Variants in PRSS23 observed in about 807,000 individuals in gnomAD.
The protein encoded by PRSS23 is protease, serine 23.
A neutral mutation model predicts 34.7 loss-of-function variants in PRSS23; 25 were observed. The ratio of observed to expected loss-of-function variants is 0.72; its 90% CI spans 0.53 to 1.01. PRSS23 has a LOEUF of 1.01. PRSS23 is among the 50% of genes least tolerant of loss of function. The probability of loss-of-function intolerance (pLI) is 0.00; values close to 1 mark genes in which losing one functional copy is unlikely to be tolerated. For synonymous variants in PRSS23, 176 were observed against 186.6 expected (o/e 0.94, Z 0.46); for missense variants, 445 against 475.6 (o/e 0.94, Z 0.60).
chr11:86,823,930 CGG>C (rs201565569), intron 2 of PRSS23, among the ~76,000 whole-genome samples: 3,172 of 131,112 alleles, frequency 0.024, 151 homozygotes, highest in African/African-American at 0.085. Context: ...GGCGTGAACC[CGG>C]GAGGTGGAGC....
At chr11:86,818,766 C>T (rs1257978690) in intron 1 of PRSS23, among the ~76,000 whole-genome samples, 2 of 152,144 alleles carry the variant, frequency 1.3e-5, no homozygotes, top group Admixed American at 1.3e-4. Context: ...ACACCTTCTC[C>T]CATTTGCAGA....
At chr11:86,857,942 G>T in intron 2 of PRSS23, 1 of 429,324 alleles carries the variant, frequency 2.3e-6, no homozygotes, top group Non-Finnish European at 4.6e-6. Context: ...GTGAGGACGG[G>T]CTGTCTCCCA....
At chr11:86,952,498 CA>C (rs776761519) in exon 3 of PRSS23, 12 of 1,603,140 alleles carry the variant, frequency 7.5e-6, no homozygotes, top group East Asian at 2.2e-5. Context: ...TGAACACACA[CA>C]AAAAAAACAA....
At chr11:86,921,564 G>C (rs1949047457) in intron 2 of PRSS23, 1 of 152,140 alleles carries the variant, frequency 6.6e-6, no homozygotes, top group Non-Finnish European at 1.5e-5. Flanking sequence ...ATTGTTTCTT[G>C]ATACAAAGTA....
chr11:86,924,095 A>G (rs1949064447), intron 2 of PRSS23, among the ~76,000 whole-genome samples: 1 of 152,214 alleles, frequency 6.6e-6, no homozygotes, highest in South Asian at 2.1e-4. Flanking sequence ...GGTAAGATCG[A>G]GAGCCGGAAA....
intron 2 of PRSS23, among the ~76,000 whole-genome samples, chr11:86,878,233 C>CGTCCCTCTCCCTCATCTCCGT (rs1590908411): frequency 1.2e-5 from 1 of 84,798 alleles, no homozygotes; most frequent in Non-Finnish European, 2.1e-5. Flanking sequence ...TACCCCTCCC[C>CGTCCCTCTCCCTCATCTCCGT]CTCCCTCTCC....
At position 86,848,489 on chromosome 11, in the gene PRSS23, G is replaced by A. The variant is rs577190583; in HGVS notation, c.206+24896G>A. Among the ~76,000 whole-genome samples the A allele has an allele frequency of 2.0e-5, 3 of 152,262 alleles. No homozygotes were observed. The East Asian group carries it at 5.8e-4, about 29-fold the overall frequency. On this transcript the variant is annotated intron_variant, in intron 2 of 2. Coordinates refer to the PRSS23 transcript ENST00000533902. Reference sequence around the variant, plus strand: ...TTTTAAAAGGGTTGAGGAAGACTAGGAGAAAGCCTATGAACTACTCAATGC... The same window carrying A: ...TTTTAAAAGGGTTGAGGAAGACTAGAAGAAAGCCTATGAACTACTCAATGC...
chr11:86,832,413 T>G, intron 2 of PRSS23: 1 of 178,204 alleles, frequency 5.6e-6, no homozygotes, highest in Non-Finnish European at 1.2e-5. Flanking sequence ...AGGGAGCTAT[T>G]ACTCTTAATA....
At chr11:86,906,028 T>C (rs933803464) in intron 2 of PRSS23, among the ~76,000 whole-genome samples, 3 of 150,634 alleles carry the variant, frequency 2.0e-5, no homozygotes, top group Admixed American at 2.0e-4. Flanking sequence ...ATTCAACAAT[T>C]ATCTTGAGAG....
chr11:86,819,705 A>T (rs1948239611), intron 1 of PRSS23, among the ~76,000 whole-genome samples: 1 of 152,206 alleles, frequency 6.6e-6, no homozygotes. Context: ...TTTGCTGTAC[A>T]TTCTTGTCTC....
At chr11:86,887,756 T>C (rs112149549) in intron 2 of PRSS23, among the ~76,000 whole-genome samples, 5 of 152,112 alleles carry the variant, frequency 3.3e-5, no homozygotes, top group African/African-American at 1.2e-4. Flanking sequence ...AACTAAATAA[T>C]ATTACACAAT....
chr11:86,834,253 G>A (rs187747894), intron 2 of PRSS23, among the ~76,000 whole-genome samples: 6 of 152,278 alleles, frequency 3.9e-5, no homozygotes, highest in Admixed American at 2.0e-4. Context: ...GAAAGATTTG[G>A]TGAAGGGTTT....
At chr11:86,923,762 T>C (rs1810919296) in intron 2 of PRSS23, among the ~76,000 whole-genome samples, 1 of 152,152 alleles carries the variant, frequency 6.6e-6, no homozygotes, top group South Asian at 2.1e-4. Context: ...ATTTAATAAG[T>C]GTAAAAAGAA....
At chr11:86,900,781 CTTTTTTTTTTTT>C (rs60869425) in intron 2 of PRSS23, among the ~76,000 whole-genome samples, 1 of 94,020 alleles carries the variant, frequency 1.1e-5, no homozygotes, top group East Asian at 3.0e-4. Flanking sequence ...ATCTCTCTCT[CTTTTTTTTTTTT>C]TTTTTTTTTG....
chr11:86,824,419 G>T (rs1948282447), intron 2 of PRSS23, among the ~76,000 whole-genome samples: 2 of 147,884 alleles, frequency 1.4e-5, no homozygotes, highest in South Asian at 4.3e-4. Flanking sequence ...AGTGGGGTGA[G>T]GCCTTTGAAC....
At chr11:86,941,654 T>A (rs1483028090) in intron 2 of PRSS23, among the ~76,000 whole-genome samples, 1 of 152,228 alleles carries the variant, frequency 6.6e-6, no homozygotes, top group Admixed American at 6.5e-5. Flanking sequence ...CCCTAGCCCA[T>A]TCCAGTGTTC....
At chr11:86,867,874 C>CAAAAAAAAAAAAAAAAAAA (rs11352878) in intron 2 of PRSS23, among the ~76,000 whole-genome samples, 41 of 118,284 alleles carry the variant, frequency 3.5e-4, no homozygotes, top group African/African-American at 1.0e-3. Flanking sequence ...GACCCTACCT[C>CAAAAAAAAAAAAAAAAAAA]AAAAAAAAAA....
At chr11:86,891,820 C>T (rs1948843290) in intron 2 of PRSS23, among the ~76,000 whole-genome samples, 1 of 152,060 alleles carries the variant, frequency 6.6e-6, no homozygotes, top group East Asian at 1.9e-4. Context: ...TGATGGTTTT[C>T]TAAGTGTTTG....
intron 2 of PRSS23, among the ~76,000 whole-genome samples, chr11:86,895,638 C>A (rs117886714): frequency 1.1e-3 from 172 of 152,006 alleles, no homozygotes; most frequent in Admixed American, 2.0e-3. Context: ...TACTACCATG[C>A]CCAGCTAATT....
Sources: allele counts gnomAD v4.1 joint callset (sites outside exome capture counted in the v4.1 genomes callset), GRCh38; gene constraint gnomAD v4.1.1; transcripts MANE v1.5; gene names NCBI Gene and HGNC (gene_info 2026-07-23, HGNC 2026-07-21).